Variants in ANKRD11 observed in about 807,000 individuals in gnomAD.
ANKRD11 encodes the protein ankyrin repeat domain 11, also known as ankyrin repeat domain-containing protein 11.
Under a neutral mutation model 195.7 loss-of-function variants are expected in ANKRD11, and 17 were observed. The ratio of observed to expected loss-of-function variants is 0.09; its 90% CI spans 0.06 to 0.13. The LOEUF (loss-of-function observed/expected upper bound fraction) is 0.13. Ranked by LOEUF, ANKRD11 falls within the 10% of genes least tolerant of loss-of-function variation. ANKRD11 has a pLI of 1.00. For missense variants in ANKRD11, 3,735 were observed against 3,566.1 expected (o/e 1.05, Z -1.21); for synonymous variants, 1,953 against 1,528.1 (o/e 1.28, Z -6.49).
intron 1 of ANKRD11, among the ~76,000 whole-genome samples, chr16:89,437,800 C>A (rs2043278482): frequency 6.6e-6 from 1 of 152,188 alleles, no homozygotes; most frequent in Non-Finnish European, 1.5e-5. Context: ...AATGCCACTC[C>A]CAGCTCCAGC....
At chr16:89,397,785 T>A (rs1472217774) in intron 2 of ANKRD11, among the ~76,000 whole-genome samples, 1 of 152,162 alleles carries the variant, frequency 6.6e-6, no homozygotes, top group Non-Finnish European at 1.5e-5. Context: ...GGGACTGGAG[T>A]GGAGCCCTTG....
chr16:89,469,587 A>G (rs554617637), intron 1 of ANKRD11, among the ~76,000 whole-genome samples: 1 of 152,002 alleles, frequency 6.6e-6, no homozygotes, highest in Middle Eastern at 3.4e-3. Flanking sequence ...AAAGGAGATA[A>G]AACGTACGCA....
intron 1 of ANKRD11, among the ~76,000 whole-genome samples, chr16:89,479,388 T>G (rs918952434): frequency 6.6e-6 from 1 of 151,760 alleles, no homozygotes. Context: ...ATCCCAGCAC[T>G]TAAGGAGGCC....
intron 2 of ANKRD11, among the ~76,000 whole-genome samples, chr16:89,393,298 T>C (rs978512186): frequency 1.3e-5 from 2 of 151,834 alleles, no homozygotes; most frequent in South Asian, 2.1e-4. Flanking sequence ...CTCTTTTTTT[T>C]ACTTTTTTTA....
chr16:89,438,537 G>A (rs1487396857), intron 1 of ANKRD11, among the ~76,000 whole-genome samples: 1 of 152,012 alleles, frequency 6.6e-6, no homozygotes, highest in Non-Finnish European at 1.5e-5. Context: ...TCACTAGGTT[G>A]GGCCAGGCTG....
chr16:89,482,884 G>A (rs556488213), intron 1 of ANKRD11, among the ~76,000 whole-genome samples: 1 of 152,338 alleles, frequency 6.6e-6, no homozygotes, highest in East Asian at 1.9e-4. Flanking sequence ...GGCAGCCTCT[G>A]GAACACGGAA....
intron 2 of ANKRD11, among the ~76,000 whole-genome samples, chr16:89,399,042 A>G (rs919297063): frequency 6.6e-6 from 1 of 152,208 alleles, no homozygotes; most frequent in Non-Finnish European, 1.5e-5. Flanking sequence ...GCAGTTTCCA[A>G]GCAAGGCATT....
chr16:89,331,674 G>A (rs983278672), intron 2 of ANKRD11, among the ~76,000 whole-genome samples: 1 of 152,174 alleles, frequency 6.6e-6, no homozygotes, highest in Non-Finnish European at 1.5e-5. Flanking sequence ...AGGCTGCAGT[G>A]TAATTAAATA....
Position 89,465,075 on chromosome 16 carries a change from A to G in ANKRD11, c.-145+25170T>C, listed in dbSNP as rs115719068. Among the ~76,000 whole-genome samples the G allele has an allele frequency of 3.6e-3, 548 of 152,352 alleles. 1 individual carries two copies. Among genetic ancestry groups the G allele is most frequent in the African/African-American group, 0.013 (525 of 41,584 alleles). On this transcript the variant is annotated intron_variant, in intron 1 of 12. Coordinates refer to ENST00000301030, the MANE Select transcript of ANKRD11 (RefSeq NM_013275.6). ...TATATGAAATTCTAATTTCAGTGTT[A>G]GTAATAGTTGTAACTGGAAAACAGC...
At chr16:89,451,762 T>A (rs2044085488) in intron 1 of ANKRD11, among the ~76,000 whole-genome samples, 1 of 152,164 alleles carries the variant, frequency 6.6e-6, no homozygotes, top group Admixed American at 6.5e-5. Context: ...TAAAAATCAC[T>A]GAACGGCATA....
At chr16:89,483,826 A>G (rs1008114360) in intron 1 of ANKRD11, among the ~76,000 whole-genome samples, 2 of 152,170 alleles carry the variant, frequency 1.3e-5, no homozygotes, top group Admixed American at 6.5e-5. Flanking sequence ...AAAAAAAAAA[A>G]AAAGAAAGAA....
At chr16:89,276,791 C>T (rs1372725289) in intron 9 of ANKRD11, among the ~76,000 whole-genome samples, 1 of 152,216 alleles carries the variant, frequency 6.6e-6, no homozygotes, top group Non-Finnish European at 1.5e-5. Flanking sequence ...AGCGCAGTGG[C>T]TCACACCTGT....
At chr16:89,405,399 C>T (rs2041865263) in intron 2 of ANKRD11, among the ~76,000 whole-genome samples, 1 of 151,994 alleles carries the variant, frequency 6.6e-6, no homozygotes, top group African/African-American at 2.4e-5. Flanking sequence ...TATGAGCTCA[C>T]CGTAGCCTCG....
intron 2 of ANKRD11, among the ~76,000 whole-genome samples, chr16:89,408,337 G>C (rs926666944): frequency 6.6e-6 from 1 of 152,238 alleles, no homozygotes; most frequent in Non-Finnish European, 1.5e-5. Context: ...ACAAAGAGGC[G>C]TGAAGCTGGC....
At chr16:89,401,724 C>T (rs957334508) in intron 2 of ANKRD11, among the ~76,000 whole-genome samples, 2 of 152,186 alleles carry the variant, frequency 1.3e-5, no homozygotes, top group South Asian at 2.1e-4. Context: ...TAGGGTGGGC[C>T]CTCACCCCAC....
At chr16:89,322,265 C>G (rs752054741) in intron 2 of ANKRD11, among the ~76,000 whole-genome samples, 56 of 152,334 alleles carry the variant, frequency 3.7e-4, no homozygotes, top group Non-Finnish European at 6.6e-4. Flanking sequence ...GACAACATTA[C>G]CCTCCGAAGA....
chr16:89,461,755 A>T (rs1452105924), intron 1 of ANKRD11, among the ~76,000 whole-genome samples: 1 of 152,200 alleles, frequency 6.6e-6, no homozygotes, highest in Non-Finnish European at 1.5e-5. Context: ...CTAAATAAAT[A>T]AGAAGAAATG....
Position 89,342,872 on chromosome 16 carries a change from A to C in ANKRD11, c.-59-25794T>G, listed in dbSNP as rs2038756623. On this transcript the variant is annotated intron_variant, in intron 2 of 12. Coordinates refer to ENST00000301030, the MANE Select transcript of ANKRD11 (RefSeq NM_013275.6). ...GTGATCGTTTATGCCCAACTGGCAA[A>C]GGAGTGGGAAAGGGACGGAGGTGAA... 2.0e-5 allele frequency among the ~76,000 whole-genome samples: 3 copies of C among 152,220 alleles called. 1 individual carries two copies. In the South Asian group the frequency reaches 6.2e-4, roughly 31 times the overall value.
At chr16:89,474,515 T>C (rs1165881990) in intron 1 of ANKRD11, among the ~76,000 whole-genome samples, 2 of 151,968 alleles carry the variant, frequency 1.3e-5, no homozygotes, top group Admixed American at 6.6e-5. Flanking sequence ...ATCATCCCAT[T>C]TGAAAGAAAA....
Sources: gnomAD v4.1 joint callset for allele counts (sites outside exome capture counted in the v4.1 genomes callset) on GRCh38, gnomAD v4.1.1 for gene constraint, MANE v1.5 for transcripts, NCBI Gene and HGNC (gene_info 2026-07-23, HGNC 2026-07-21) for gene names.